SH2D3A: variants seen among roughly 807,000 people sequenced by gnomAD.
The protein encoded by SH2D3A is SH2 domain containing 3A.
Under a neutral mutation model 50.6 loss-of-function variants are expected in SH2D3A, and 46 were observed. That is an observed-to-expected ratio of 0.91 (90% CI 0.72 to 1.16). The LOEUF is 1.16. SH2D3A is among the 50% of genes most tolerant of loss of function. The pLI is 0.00. For synonymous variants in SH2D3A, 377 were observed against 348.4 expected (o/e 1.08, Z -0.91); for missense variants, 783 against 786.2 (o/e 1.00, Z 0.05).
intron 1 of SH2D3A, among the ~76,000 whole-genome samples, chr19:6,767,166 T>C (rs1970344247): frequency 6.6e-6 from 1 of 151,924 alleles, no homozygotes; most frequent in Non-Finnish European, 1.5e-5. Context: ...CAGGCAAAAA[T>C]GGAAACAATG....
chr19:6,766,240 G>A (rs917804430), intron 1 of SH2D3A, among the ~76,000 whole-genome samples: 4 of 152,152 alleles, frequency 2.6e-5, no homozygotes, highest in Non-Finnish European at 5.9e-5. Context: ...GGCTAGCCTC[G>A]GTCGCAGAGT....
At chr19:6,763,489 C>A (rs924445784) in intron 2 of SH2D3A, among the ~76,000 whole-genome samples, 191 bp downstream of exon 2, 1 of 152,132 alleles carries the variant, frequency 6.6e-6, no homozygotes, top group African/African-American at 2.4e-5. Context: ...ATCTCATCAT[C>A]CCAAAGAAAG....
chr19:6,763,585 G>T, intron 2 of SH2D3A, 95 bp downstream of exon 2: 3 of 1,148,444 alleles, frequency 2.6e-6, no homozygotes, highest in Non-Finnish European at 3.8e-6. Context: ...AATAGACCTT[G>T]GCACTAAGTC....
chr19:6,753,751 G>T, intron 8 of SH2D3A, 110 bp from the exon 9 acceptor site: 1 of 1,211,286 alleles, frequency 8.3e-7, no homozygotes, highest in Non-Finnish European at 1.1e-6. Context: ...GCGACAGCGG[G>T]GTCTGTGGAG....
At chr19:6,753,328 C>T (rs1969434137) in intron 9 of SH2D3A, 128 bp downstream of exon 9, 1 of 1,398,412 alleles carries the variant, frequency 7.2e-7, no homozygotes, top group Non-Finnish European at 9.3e-7. Context: ...GGAGCCGTCC[C>T]AGTTTGGGTG....
In SH2D3A at chr19:6,767,394, G is replaced by C. The variant is rs555088193; in HGVS notation, c.-76C>G. ...CCCTGGGGCTCCACTCACCTGGGCA[G>C]GACCCGCGGGGCTCCCACGAGGCTG... On this transcript the variant is annotated 5_prime_UTR_variant, in exon 1 of 10. Coordinates refer to ENST00000245908, the MANE Select transcript of SH2D3A (RefSeq NM_005490.3). The C allele has an allele frequency of 1.4e-4, 22 of 152,430 alleles. No individual in the cohort carries two copies. Among genetic ancestry groups the C allele is most frequent in the Admixed American group, 3.9e-4 (6 of 15,296 alleles). The allele number at this position is 152,430 out of a possible 1,614,324, so 9.4% of individuals were successfully genotyped here. A position where few individuals can be genotyped will look rare whatever the true frequency, so the allele number is the denominator to read the frequency against.
Position 6,754,848 on chromosome 19 carries a change from G to A in SH2D3A, c.964C>T (p.Leu322=), listed in dbSNP as rs143682906. ...TGACCCACCTGGCAGTCTACCAATA[G>A]CAGGTGAAGGGCGGTGCTCCCAGGA... ...HHPGSTALHL[L]LVDCQATGLL... is the part of the protein sequence containing the mutation. The change falls in exon 5 of 10, where the codon CTA becomes TTA. Residue 322 remains leucine (L), a synonymous_variant. Coordinates refer to ENST00000245908, the MANE Select transcript of SH2D3A (RefSeq NM_005490.3). 22 of 1,601,606 alleles carry A rather than the reference G, an allele frequency of 1.4e-5. No individual in the cohort carries two copies. The African/African-American group carries it at 2.8e-4, about 20-fold the overall frequency.
chr19:6,759,706 A>C lies in SH2D3A; in HGVS notation c.420-36T>G, dbSNP rs766436294. The C allele has an allele frequency of 1.0e-4, 161 of 1,597,460 alleles. 1 individual carries two copies. Among genetic ancestry groups the C allele is most frequent in the Non-Finnish European group, 1.3e-4 (148 of 1,166,346 alleles). ...GAAGTGGGAGAAACCTGTAGTCCCCACCTAAGCAGTGTCCCCCACCAATAT... is the reference window on the plus strand; with the variant it reads ...GAAGTGGGAGAAACCTGTAGTCCCCCCCTAAGCAGTGTCCCCCACCAATAT... On this transcript the variant is annotated intron_variant, in intron 3 of 9. Coordinates refer to ENST00000245908, the MANE Select transcript of SH2D3A (RefSeq NM_005490.3).
intron 6 of SH2D3A, 31 bp downstream of exon 6, chr19:6,754,585 C>T (rs761803559): frequency 6.2e-7 from 1 of 1,613,404 alleles, no homozygotes; most frequent in East Asian, 2.2e-5. Flanking sequence ...AATTGGCCTC[C>T]CCCAACCAAG....
Position 6,755,227 on chromosome 19 carries a change from G to A in SH2D3A, c.585C>T (p.Ala195=), listed in dbSNP as rs571714174. The A allele has an allele frequency of 9.7e-6, 15 of 1,553,842 alleles. No individual in the cohort carries two copies. The highest frequency in any genetic ancestry group is 3.7e-5 in the South Asian group (3 of 82,062). ...GCCCATCGGAGGCCCTGAGACTGTCGGCAACAGTTCCCAGGGGAGCAGGGG... is the reference window on the plus strand; with the variant it reads ...GCCCATCGGAGGCCCTGAGACTGTCAGCAACAGTTCCCAGGGGAGCAGGGG... ...LKAPAPLGTV[A]DSLRASDGQL... is the part of the protein sequence containing the mutation. The change falls in exon 5 of 10, where the codon GCC becomes GCT. Residue 195 remains alanine (A), a synonymous_variant. Coordinates refer to ENST00000245908, the MANE Select transcript of SH2D3A (RefSeq NM_005490.3).
Position 6,753,512 on chromosome 19 carries a change from C to G in SH2D3A, c.1514G>C (p.Arg505Pro). Residue 505 changes from arginine (R) to proline (P), a missense_variant, in exon 9 of 10, where the codon CGT becomes CCT. Physicochemically the swap from Arg to Pro is moderately radical, Grantham distance 103. Coordinates refer to ENST00000245908, the MANE Select transcript of SH2D3A (RefSeq NM_005490.3). ...ERLLRTLHGA[R>P]HMVRDAPKFR... ...TTTGGGTGCGTCCCGGACCATGTGACGCGCCCCGTGCAGGGTGCGCAACAG... is the reference window on the plus strand; with the variant it reads ...TTTGGGTGCGTCCCGGACCATGTGAGGCGCCCCGTGCAGGGTGCGCAACAG... 6.4e-7 allele frequency: 1 copy of G among 1,557,064 alleles called. No individual in the cohort carries two copies.
chr19:6,752,674 C>T lies in SH2D3A; in HGVS notation c.1650G>A (p.Ala550=), dbSNP rs766614797. The T allele has an allele frequency of 3.9e-6, 6 of 1,552,956 alleles. No individual in the cohort carries two copies. The Admixed American group carries it at 5.9e-5, about 15-fold the overall frequency. The change falls in exon 10 of 10, where the codon GCG becomes GCA. Residue 550 remains alanine (A), a synonymous_variant. Coordinates refer to ENST00000245908, the MANE Select transcript of SH2D3A (RefSeq NM_005490.3). ...CAAAGCGTTCAGCGCGCGGAGCTCC[C>T]GCGCCCCGGCTACCCCAGAGCAGCC... is the stretch of plus-strand genomic sequence containing the variant. ...VRRLLWGSRG[A]GAPRAERFEK... is the part of the protein sequence containing the mutation.
At chr19:6,756,435 CTTTTT>C (rs998746604) in intron 4 of SH2D3A, among the ~76,000 whole-genome samples, 1 of 150,780 alleles carries the variant, frequency 6.6e-6, no homozygotes, top group Non-Finnish European at 1.5e-5. Flanking sequence ...ACTTTCTTTT[CTTTTT>C]TTTCTTTTTT....
chr19:6,753,218 T>C lies in SH2D3A; in HGVS notation c.1570+238A>G, dbSNP rs376986963. On this transcript the variant is annotated intron_variant, in intron 9 of 9. Transcript: ENST00000245908. ...AAGGGGGAGTGGGGACCCGCGGAGG[T>C]GGCTCTGGGGGCAGGACAGCCCGTT... 732 of 984,786 alleles carry C rather than the reference T, an allele frequency of 7.4e-4. 5 individuals are homozygous for C. In the African/African-American group the frequency reaches 0.012, roughly 16 times the overall value. 61.0% of individuals were successfully genotyped at this position (984,786 alleles called of 1,614,324 possible). A position where few individuals can be genotyped will look rare whatever the true frequency, so the allele number is the denominator to read the frequency against.
rs1467910414 is a variant in SH2D3A at position 6,754,257 on chromosome 19, C to T, written c.1266G>A (p.Met422Ile). 3 of 1,598,148 alleles carry T rather than the reference C, an allele frequency of 1.9e-6. No individual in the cohort carries two copies. Among genetic ancestry groups the T allele is most frequent in the Non-Finnish European group, 1.7e-6 (2 of 1,177,200 alleles). ...GLAAVMGALL[M>I]PQVSRLEHTW... ...GTCCCTGCTCCCCACGAACCTGGGG[C>T]ATGAGCAGGGCGCCCATGACTGCAG... The change falls in exon 7 of 10, where the codon ATG (methionine) becomes ATA (isoleucine). Residue 422 changes from methionine (M) to isoleucine (I), a missense_variant. Coordinates refer to ENST00000245908, the MANE Select transcript of SH2D3A (RefSeq NM_005490.3).
chr19:6,753,118 G>A (rs62125121), intron 9 of SH2D3A: 14,397 of 985,304 alleles, frequency 0.015, 137 homozygotes, highest in Non-Finnish European at 0.016. Context: ...AGGATAGGAC[G>A]GAGGAGTCGT....
rs772373238 is a variant in SH2D3A at position 6,760,637 on chromosome 19, C to A, written c.419+1G>T. 7.0e-6 allele frequency: 11 copies of A among 1,561,920 alleles called. No individual in the cohort carries two copies. Among genetic ancestry groups the A allele is most frequent in the Non-Finnish European group, 9.6e-6 (11 of 1,150,886 alleles). On this transcript the variant is annotated splice_donor_variant, in intron 3 of 9. Coordinates refer to ENST00000245908, the MANE Select transcript of SH2D3A (RefSeq NM_005490.3). LOFTEE classifies it high-confidence loss of function. ...CAAGGAGGCAGGGAGACTGTGAGTA[C>A]CTGAGAGGCTCTATCCGAGCTGGGC... is the stretch of plus-strand genomic sequence containing the variant.
In SH2D3A at chr19:6,755,217, T is replaced by C. The variant is rs139285655; in HGVS notation, c.595A>G (p.Arg199Gly). 4.3e-3 allele frequency: 6,788 copies of C among 1,563,514 alleles called. 20 individuals carry two copies. Among genetic ancestry groups the C allele is most frequent in the Non-Finnish European group, 5.0e-3 (5,798 of 1,152,948 alleles). Residue 199 changes from arginine to glycine, a missense_variant, in exon 5 of 10, where the codon AGG becomes GGG. Coordinates refer to ENST00000245908, the MANE Select transcript of SH2D3A (RefSeq NM_005490.3). ...APLGTVADSL[R>G]ASDGQLQAKA... is the part of the protein sequence containing the mutation. ...GCTTGAAGCTGCCCATCGGAGGCCC[T>C]GAGACTGTCGGCAACAGTTCCCAGG...
intron 3 of SH2D3A, among the ~76,000 whole-genome samples, chr19:6,760,420 T>A (rs1430956616): frequency 6.6e-6 from 1 of 151,628 alleles, no homozygotes; most frequent in East Asian, 1.9e-4. Flanking sequence ...TAGCTGGGCG[T>A]GGTGGTGCAC....
Sources: gnomAD v4.1 joint callset for allele counts (sites outside exome capture counted in the v4.1 genomes callset) on GRCh38, gnomAD v4.1.1 for gene constraint, MANE v1.5 for transcripts, NCBI Gene and HGNC (gene_info 2026-07-23, HGNC 2026-07-21) for gene names.